Variants in SMOC1 observed in about 807,000 individuals in gnomAD.
SMOC1 encodes SPARC-related modular calcium-binding protein 1.
A neutral mutation model predicts 56.3 loss-of-function variants in SMOC1; 22 were observed. The observed-to-expected ratio is 0.39, with a 90% confidence interval of 0.28 to 0.56. The LOEUF is 0.56. Ranked by LOEUF, SMOC1 falls within the 20% of genes least tolerant of loss-of-function variation. The probability of loss-of-function intolerance (pLI) is 0.61; values close to 1 mark genes in which losing one functional copy is unlikely to be tolerated. For synonymous variants in SMOC1, 193 were observed against 215.0 expected, an observed-to-expected ratio of 0.90 and a Z score of 0.89; for missense variants, 509 against 565.4, an observed-to-expected ratio of 0.90 and a Z score of 1.01.
chr14:69,891,704 C>T (rs1883967630), intron 1 of SMOC1, among the ~76,000 whole-genome samples: 1 of 152,130 alleles, frequency 6.6e-6, no homozygotes, highest in East Asian at 1.9e-4. Flanking sequence ...TCATCCTTGC[C>T]CTCCCTGGAT....
chr14:69,884,785 T>A (rs1485909002), intron 1 of SMOC1, among the ~76,000 whole-genome samples: 1 of 152,156 alleles, frequency 6.6e-6, no homozygotes, highest in Non-Finnish European at 1.5e-5. Context: ...GTTCCATTGG[T>A]CTATGTGTCT....
At chr14:69,953,171 G>T (rs1883066059) in intron 2 of SMOC1, among the ~76,000 whole-genome samples, 1 of 152,148 alleles carries the variant, frequency 6.6e-6, no homozygotes, top group Non-Finnish European at 1.5e-5. Context: ...ATGGGGCCAG[G>T]GTAGAGGTAC....
At chr14:69,953,351 GC>G in intron 2 of SMOC1, 68 bp from the exon 3 acceptor site, 2 of 1,467,676 alleles carry the variant, frequency 1.4e-6, no homozygotes, top group Non-Finnish European at 1.9e-6. Context: ...GGTTTTCTCA[GC>G]CATTTTGTCC....
In SMOC1 at chr14:70,023,274, G is replaced by A. The variant is rs762069665; in HGVS notation, c.1118G>A (p.Ser373Asn). The A allele has an allele frequency of 1.9e-6, 3 of 1,614,192 alleles. No individual in the cohort carries two copies. The highest frequency in any genetic ancestry group is 2.5e-6 in the Non-Finnish European group (3 of 1,180,038). ...CACTGGTATTTCAGCCAGCTGGACA[G>A]CAATAGCAGCAACGACATTAACAAG... ...VVHWYFSQLD[S>N]NSSNDINKRE... Residue 373 changes from serine (S) to asparagine (N), a missense_variant, in exon 11 of 12, where the codon AGC (serine) becomes AAC (asparagine). Transcript: ENST00000361956.
intron 3 of SMOC1, among the ~76,000 whole-genome samples, chr14:69,960,277 C>T (rs1883325483): frequency 6.6e-6 from 1 of 152,188 alleles, no homozygotes; most frequent in African/African-American, 2.4e-5. Context: ...AACAGTTTGG[C>T]TCTCTCAGAC....
At chr14:69,903,520 A>G (rs1451138934) in intron 1 of SMOC1, among the ~76,000 whole-genome samples, 1 of 152,230 alleles carries the variant, frequency 6.6e-6, no homozygotes, top group Non-Finnish European at 1.5e-5. Context: ...CTGTGTAGAA[A>G]GAAGTAGACA....
At chr14:70,003,691 G>A (rs1187087483) in intron 7 of SMOC1, among the ~76,000 whole-genome samples, 2 of 152,220 alleles carry the variant, frequency 1.3e-5, no homozygotes, top group African/African-American at 2.4e-5. Context: ...CTTGCATCCA[G>A]TGAAGTCAGG....
intron 1 of SMOC1, chr14:69,885,770 CCAG>C: frequency 6.5e-7 from 1 of 1,536,552 alleles, no homozygotes; most frequent in South Asian, 1.1e-5. Context: ...GTCCCCTTTG[CCAG>C]CAGCTTTCTT....
At chr14:69,936,175 G>A (rs1885290853) in intron 1 of SMOC1, among the ~76,000 whole-genome samples, 1 of 152,124 alleles carries the variant, frequency 6.6e-6, no homozygotes, top group Non-Finnish European at 1.5e-5. Context: ...TAGTCTAAGG[G>A]CCCATACAGG....
chr14:69,900,867 T>C lies in SMOC1; in HGVS notation c.99+21090T>C, dbSNP rs547030162. On this transcript the variant is annotated intron_variant, in intron 1 of 11. Coordinates refer to ENST00000361956, the MANE Select transcript of SMOC1 (RefSeq NM_001034852.3). ...GGCCACATGCCACAATGGCCTGGTC[T>C]AGCATGACCTTTAGTCATGCCAGCC... Among the ~76,000 whole-genome samples, 4 of 152,378 alleles carry C rather than the reference T, an allele frequency of 2.6e-5. No homozygotes were observed. In the South Asian group the frequency reaches 8.3e-4, roughly 32 times the overall value.
Position 69,975,717 on chromosome 14 carries a change from G to A in SMOC1, c.381G>A (p.Val127=), listed in dbSNP as rs1402574391. The A allele has an allele frequency of 5.0e-6, 8 of 1,611,090 alleles. No individual in the cohort carries two copies. In the South Asian group the frequency reaches 5.5e-5, roughly 11 times the overall value. ...ECGEDGSFTQ[V]QCHTYTGYCW... ...TCCCTTTTCACTTCCCTGAACAGGT[G>A]CAGTGCCATACTTACACTGGGTACT... The change falls in exon 4 of 12, where the codon GTG becomes GTA. Residue 127 remains valine, a splice_region_variant and synonymous_variant. Transcript: ENST00000361956.
At chr14:70,013,909 CT>C (rs1175016513) in intron 10 of SMOC1, among the ~76,000 whole-genome samples, 1 of 152,166 alleles carries the variant, frequency 6.6e-6, no homozygotes. Flanking sequence ...AACCAAATGC[CT>C]TTTTGGCATC....
At chr14:69,940,981 G>T (rs532625159) in intron 1 of SMOC1, among the ~76,000 whole-genome samples, 3 of 152,166 alleles carry the variant, frequency 2.0e-5, no homozygotes, top group African/African-American at 7.2e-5. Context: ...AATGCCTTCC[G>T]TCTCTGAGTA....
At chr14:69,904,859 A>T (rs879300758) in intron 1 of SMOC1, among the ~76,000 whole-genome samples, 1 of 152,216 alleles carries the variant, frequency 6.6e-6, no homozygotes, top group Non-Finnish European at 1.5e-5. Flanking sequence ...TTGGTAGCCC[A>T]GATTTAGCAG....
intron 1 of SMOC1, among the ~76,000 whole-genome samples, chr14:69,947,041 G>A (rs769855777): frequency 1.1e-4 from 16 of 152,042 alleles, no homozygotes; most frequent in Non-Finnish European, 2.1e-4. Context: ...ACAGAACCAT[G>A]AGCAATTAAA....
intron 5 of SMOC1, among the ~76,000 whole-genome samples, chr14:69,991,604 G>A (rs1884572004): frequency 6.6e-6 from 1 of 152,178 alleles, no homozygotes; most frequent in Admixed American, 6.5e-5. Context: ...GGTTCTTGCT[G>A]TGCAGAGAGG....
intron 10 of SMOC1, among the ~76,000 whole-genome samples, chr14:70,015,033 A>C (rs947340361): frequency 3.9e-5 from 6 of 152,234 alleles, no homozygotes; most frequent in Non-Finnish European, 8.8e-5. Flanking sequence ...GTGAGTGCAC[A>C]CAATAGCCAA....
At chr14:69,885,820 C>T in intron 1 of SMOC1, 1 of 1,601,608 alleles carries the variant, frequency 6.2e-7, no homozygotes, top group South Asian at 1.1e-5. Context: ...TCTTCTCTTG[C>T]TTTGTCTCTG....
At chr14:69,887,637 G>T (rs1162971512) in intron 1 of SMOC1, among the ~76,000 whole-genome samples, 2 of 152,184 alleles carry the variant, frequency 1.3e-5, no homozygotes, top group Admixed American at 1.3e-4. Flanking sequence ...TGTGCATGTG[G>T]CTCTATCTAA....
Sources: gnomAD v4.1 joint callset for allele counts (sites outside exome capture counted in the v4.1 genomes callset) on GRCh38, gnomAD v4.1.1 for gene constraint, MANE v1.5 for transcripts, NCBI Gene and HGNC (gene_info 2026-07-23, HGNC 2026-07-21) for gene names.